Variants in CLEC12A observed in about 807,000 individuals in gnomAD.
The protein encoded by CLEC12A is C-type lectin domain family 12 member A, also known as C-type lectin protein CLL-1.
Under a neutral mutation model 26.5 loss-of-function variants are expected in CLEC12A, and 22 were observed. That is an observed-to-expected ratio of 0.83 (90% CI 0.59 to 1.19). CLEC12A has a LOEUF of 1.19. CLEC12A is among the 50% of genes most tolerant of loss of function. The pLI is 0.00. For synonymous variants in CLEC12A, 119 were observed against 101.9 expected (o/e 1.17, Z -1.01); for missense variants, 353 against 315.6 (o/e 1.12, Z -0.90).
chr12:9,959,178 T>G (rs1319266730), intron 1 of CLEC12A, among the ~76,000 whole-genome samples: 2 of 152,142 alleles, frequency 1.3e-5, no homozygotes, highest in Non-Finnish European at 2.9e-5. Flanking sequence ...TGGCTGGGCG[T>G]GGTGGCTCAC....
upstream of CLEC12A, among the ~76,000 whole-genome samples, chr12:9,967,312 G>T (rs760130784): frequency 6.6e-6 from 1 of 152,014 alleles, no homozygotes; most frequent in African/African-American, 2.4e-5. Flanking sequence ...ATGCCTGGAC[G>T]TCAGGCACCT....
intron 4 of CLEC12A, chr12:9,991,512 T>C (rs1252819093): frequency 6.6e-6 from 1 of 152,136 alleles, no homozygotes; most frequent in East Asian, 1.9e-4. Flanking sequence ...TTTCTCTAAA[T>C]AGACAATTCA....
intron 1 of CLEC12A, among the ~76,000 whole-genome samples, chr12:9,973,242 T>C (rs1207473835): frequency 6.6e-6 from 1 of 152,110 alleles, no homozygotes; most frequent in Non-Finnish European, 1.5e-5. Flanking sequence ...GGGAGGATTA[T>C]TTGAGGCCAG....
Position 9,971,698 on chromosome 12 carries a change from G to T in CLEC12A, c.91+11G>T. On this transcript the variant is annotated intron_variant, in intron 1 of 5. Coordinates refer to ENST00000304361, the MANE Select transcript of CLEC12A (RefSeq NM_138337.6). ...AATTTGGGGAAAAAGGTAAGATTTT[G>T]AGTTATGGATGTGTTGTAAGTTTGT... 6.2e-7 allele frequency: 1 copy of T among 1,607,034 alleles called. No individual in the cohort carries two copies. Among genetic ancestry groups the T allele is most frequent in the South Asian group, 1.1e-5 (1 of 89,872 alleles).
intron 1 of CLEC12A, among the ~76,000 whole-genome samples, chr12:9,954,860 C>G (rs1863717121): frequency 1.3e-5 from 2 of 152,024 alleles, no homozygotes; most frequent in Non-Finnish European, 2.9e-5. Flanking sequence ...AATAGAAATG[C>G]CTTTGGAATT....
chr12:9,982,704 T>C (rs1183567670), intron 5 of CLEC12A, among the ~76,000 whole-genome samples: 1 of 152,130 alleles, frequency 6.6e-6, no homozygotes, highest in Non-Finnish European at 1.5e-5. Flanking sequence ...TATTGCATAA[T>C]GATGAAGTCA....
intron 1 of CLEC12A, among the ~76,000 whole-genome samples, chr12:9,972,811 G>A (rs1011533331): frequency 1.3e-5 from 2 of 152,020 alleles, no homozygotes; most frequent in Non-Finnish European, 2.9e-5. Flanking sequence ...AAGAAGAAGG[G>A]TTTAAGAATT....
At chr12:9,991,287 A>T (rs1226581367) in intron 4 of CLEC12A, 1 of 152,184 alleles carries the variant, frequency 6.6e-6, no homozygotes, top group African/African-American at 2.4e-5. Context: ...TTTTGATTTT[A>T]TGTATAAGAT....
chr12:9,982,304 C>T (rs1864592763), intron 5 of CLEC12A, among the ~76,000 whole-genome samples, 175 bp downstream of exon 5: 1 of 151,984 alleles, frequency 6.6e-6, no homozygotes, highest in Admixed American at 6.6e-5. Context: ...CCATAAATGC[C>T]TTCTCATAAT....
At chr12:9,995,166 C>A in exon 5 of CLEC12A, 1 of 1,613,000 alleles carries the variant, frequency 6.2e-7, no homozygotes. Flanking sequence ...CCGAGCCATC[C>A]TCCCACTTCC....
chr12:9,996,878 T>C (rs1245482877), downstream of CLEC12A: 1 of 1,614,010 alleles, frequency 6.2e-7, no homozygotes, highest in Admixed American at 1.7e-5. Context: ...TTCAGGAGAG[T>C]AGCATTCATG....
At chr12:9,964,929 C>A (rs914596971) in intron 1 of CLEC12A, among the ~76,000 whole-genome samples, 3 of 152,030 alleles carry the variant, frequency 2.0e-5, no homozygotes, top group African/African-American at 7.3e-5. Context: ...GGTGTGGTAT[C>A]CAGAATACTG....
Position 9,985,078 on chromosome 12 carries a change from T to C in CLEC12A, c.*52T>C, listed in dbSNP as rs951212143. The C allele has an allele frequency of 2.3e-6, 3 of 1,327,010 alleles. No individual in the cohort carries two copies. The highest frequency in any genetic ancestry group is 3.6e-5 in the Admixed American group (1 of 27,980). The allele number at this position is 1,327,010 out of a possible 1,614,324, so 82.2% of individuals were successfully genotyped here. ...TGTAGGGGGTGGGGGTTCTAGGCTA[T>C]AGGTAAATTTAAATATTTTCTGGTT... On this transcript the variant is annotated 3_prime_UTR_variant, in exon 6 of 6. Coordinates refer to ENST00000304361, the MANE Select transcript of CLEC12A (RefSeq NM_138337.6).
At chr12:10,001,557 G>T in the CLEC12A span, among the ~76,000 whole-genome samples, 2 of 152,212 alleles carry the variant, frequency 1.3e-5, no homozygotes, top group Non-Finnish European at 2.9e-5. Flanking sequence ...GAAGCAAGCT[G>T]AGCGAAGACA....
At chr12:9,990,321 A>G (rs147668713), downstream of CLEC12A, among the ~76,000 whole-genome samples, 590 of 152,354 alleles carry the variant, frequency 3.9e-3, 1 homozygote, top group Non-Finnish European at 6.3e-3. Flanking sequence ...TCTAGATGCC[A>G]TTAAAAAGAT....
downstream of CLEC12A, among the ~76,000 whole-genome samples, chr12:9,999,645 A>G (rs531448621): frequency 6.6e-6 from 1 of 152,314 alleles, no homozygotes; most frequent in South Asian, 2.1e-4. Flanking sequence ...ATGACCTAGA[A>G]TTTACACAAC....
intron 1 of CLEC12A, among the ~76,000 whole-genome samples, chr12:9,966,123 G>A (rs897088812): frequency 1.7e-4 from 26 of 152,166 alleles, no homozygotes; most frequent in Admixed American, 3.3e-4. Context: ...CAAGAGTTGG[G>A]GAGTTTTAAG....
chr12:9,992,627 T>A (rs185754954), intron 4 of CLEC12A: 1 of 152,270 alleles, frequency 6.6e-6, no homozygotes, highest in East Asian at 1.9e-4. Flanking sequence ...ATTTTAAATA[T>A]GAGAAAAGGG....
intron 4 of CLEC12A, chr12:9,993,357 T>C (rs762072167): frequency 4.5e-6 from 6 of 1,337,084 alleles, no homozygotes; most frequent in East Asian, 4.6e-5. Context: ...ACTCTGCGTA[T>C]AGTAGTTTGA....
Sources: allele counts gnomAD v4.1 joint callset (sites outside exome capture counted in the v4.1 genomes callset), GRCh38; gene constraint gnomAD v4.1.1; transcripts MANE v1.5; gene names NCBI Gene and HGNC (gene_info 2026-07-23, HGNC 2026-07-21).